The following PCDHA6 variants were observed in gnomAD, a reference collection of about 807,000 sequenced individuals.
PCDHA6 encodes the protein protocadherin alpha-6.
In PCDHA6, 55 loss-of-function variants were observed where a neutral mutation model predicts 60.3. The ratio of observed to expected loss-of-function variants is 0.91; its 90% CI spans 0.73 to 1.14. The LOEUF is 1.14. Among genes scored for constraint, PCDHA6 ranks in the 50% most tolerant of loss-of-function variants. The pLI is 0.00. For synonymous variants in PCDHA6, 652 were observed against 557.9 expected (o/e 1.17, Z -2.38); for missense variants, 1,327 against 1,256.5 (o/e 1.06, Z -0.85).
rs994045696 is a variant in PCDHA6 at position 140,859,234 on chromosome 5, T to G, written c.2394+28749T>G. 5 of 142,110 alleles carry G rather than the reference T, an allele frequency of 3.5e-5. 2 individuals carry two copies. The highest frequency in any genetic ancestry group is 8.0e-5 in the Non-Finnish European group (5 of 62,814). The allele number at this position is 142,110 out of a possible 1,614,324, so 8.8% of individuals were successfully genotyped here. A position where few individuals can be genotyped will look rare whatever the true frequency, so the allele number is the denominator to read the frequency against. ...CTCTTTCACTTTAAGGAAGGAGTCA[T>G]GCTTATGTTTAATAATGAAGAGAAT... On this transcript the variant is annotated intron_variant, in intron 1 of 3. Transcript: ENST00000529310.
chr5:140,870,085 C>T lies in PCDHA6; in HGVS notation c.2394+39600C>T, dbSNP rs200687541. ...ACAGGCTACAGATAAGGGGACTCCCCCAATGGCAGGTCACTGTACAGTCTG... is the reference window on the plus strand; with the variant it reads ...ACAGGCTACAGATAAGGGGACTCCCTCAATGGCAGGTCACTGTACAGTCTG... On this transcript the variant is annotated intron_variant, in intron 1 of 3. Coordinates refer to ENST00000529310, the MANE Select transcript of PCDHA6 (RefSeq NM_018909.4). 1.7e-4 allele frequency: 271 copies of T among 1,613,744 alleles called. No homozygotes were observed. The highest frequency in any genetic ancestry group is 1.8e-4 in the Non-Finnish European group (215 of 1,179,872).
At chr5:140,862,584 G>A (rs2047434517) in intron 1 of PCDHA6, 1 of 495,742 alleles carries the variant, frequency 2.0e-6, no homozygotes, top group South Asian at 1.6e-5. Context: ...CGTTCCAGCA[G>A]CCCGAGTACA....
intron 1 of PCDHA6, among the ~76,000 whole-genome samples, chr5:140,977,960 A>G (rs760810328): frequency 9.2e-5 from 14 of 152,142 alleles, no homozygotes; most frequent in Non-Finnish European, 1.3e-4. Flanking sequence ...GGCCACCTCA[A>G]TCTCCGCCCA....
At position 140,913,388 on chromosome 5, in the gene PCDHA6, G is replaced by A. The variant is rs180918053; in HGVS notation, c.2395-65561G>A. On this transcript the variant is annotated intron_variant, in intron 1 of 3. Coordinates refer to ENST00000529310, the MANE Select transcript of PCDHA6 (RefSeq NM_018909.4). ...TATTGGCATATAGTGGCTCATCATAGCCACTAATGATCCTTTGAATTCCTG... is the reference window on the plus strand; with the variant it reads ...TATTGGCATATAGTGGCTCATCATAACCACTAATGATCCTTTGAATTCCTG... Among the ~76,000 whole-genome samples, 155 of 152,188 alleles carry A rather than the reference G, an allele frequency of 1.0e-3. 2 individuals are homozygous for A. The highest frequency in any genetic ancestry group is 3.7e-3 in the African/African-American group (152 of 41,534).
chr5:140,872,471 T>TA (rs1468696649), intron 1 of PCDHA6, among the ~76,000 whole-genome samples: 3 of 152,026 alleles, frequency 2.0e-5, no homozygotes, highest in Non-Finnish European at 4.4e-5. Context: ...TATAAAAAAT[T>TA]AAAAAATTAG....
chr5:140,858,726 C>A (rs115774489), intron 1 of PCDHA6: 4 of 481,590 alleles, frequency 8.3e-6, no homozygotes, highest in African/African-American at 8.1e-5. Context: ...GCAGTTCTGA[C>A]GATTTACTTT....
chr5:140,923,508 G>C (rs570497442), intron 1 of PCDHA6, among the ~76,000 whole-genome samples: 1 of 152,222 alleles, frequency 6.6e-6, no homozygotes, highest in Non-Finnish European at 1.5e-5. Flanking sequence ...CAGCCTGGAT[G>C]ATGAAGTGAG....
intron 1 of PCDHA6, among the ~76,000 whole-genome samples, chr5:140,919,300 C>A (rs547709389): frequency 6.6e-6 from 1 of 152,248 alleles, no homozygotes; most frequent in African/African-American, 2.4e-5. Flanking sequence ...GCTGTTTGTA[C>A]AATATATGTT....
At chr5:140,877,116 C>T in intron 1 of PCDHA6, 4 of 1,613,672 alleles carry the variant, frequency 2.5e-6, no homozygotes, top group Non-Finnish European at 2.5e-6. Context: ...TGGGCAGCAA[C>T]GTGACGCTGC....
intron 1 of PCDHA6, among the ~76,000 whole-genome samples, chr5:140,899,477 A>G (rs1309385245): frequency 3.3e-5 from 5 of 152,210 alleles, no homozygotes; most frequent in Non-Finnish European, 5.9e-5. Context: ...GGTTCTGTTT[A>G]TATGCTGGAT....
chr5:140,952,582 G>A (rs552541968), intron 1 of PCDHA6, among the ~76,000 whole-genome samples: 4 of 152,220 alleles, frequency 2.6e-5, no homozygotes, highest in East Asian at 3.9e-4. Context: ...AATCATTCAA[G>A]TAGTCTCTAG....
At chr5:140,985,557 G>A (rs1190905215) in intron 3 of PCDHA6, among the ~76,000 whole-genome samples, 1 of 152,118 alleles carries the variant, frequency 6.6e-6, no homozygotes, top group East Asian at 1.9e-4. Context: ...GCTTCCAAAA[G>A]GCTTCTTTCT....
chr5:141,006,618 A>G (rs74748321), intron 3 of PCDHA6, among the ~76,000 whole-genome samples: 53 of 152,290 alleles, frequency 3.5e-4, no homozygotes, highest in African/African-American at 1.3e-3. Flanking sequence ...GAATAAGGAG[A>G]CTATTGCTGC....
chr5:140,851,678 C>T, intron 1 of PCDHA6: 1 of 917,638 alleles, frequency 1.1e-6, no homozygotes, highest in Non-Finnish European at 1.3e-6. Context: ...GAAATTTTCT[C>T]CATTCAGTGA....
Position 140,924,253 on chromosome 5 carries a change from A to T in PCDHA6, c.2395-54696A>T, listed in dbSNP as rs550218351. ...ATGGGCTGTTTTGCATCCTGGTGAGATCTAATGAGGTCTGTACTTGTGACT... is the reference window on the plus strand; with the variant it reads ...ATGGGCTGTTTTGCATCCTGGTGAGTTCTAATGAGGTCTGTACTTGTGACT... On this transcript the variant is annotated intron_variant, in intron 1 of 3. Coordinates refer to ENST00000529310, the MANE Select transcript of PCDHA6 (RefSeq NM_018909.4). Among the ~76,000 whole-genome samples, 68 of 152,330 alleles carry T rather than the reference A, an allele frequency of 4.5e-4. No homozygotes were observed. In the South Asian group the frequency reaches 0.013, roughly 29 times the overall value.
chr5:140,970,651 T>C (rs1191146950), intron 1 of PCDHA6, among the ~76,000 whole-genome samples: 4 of 152,226 alleles, frequency 2.6e-5, no homozygotes, highest in Non-Finnish European at 5.9e-5. Flanking sequence ...TAGTGATGAA[T>C]TGTTATCTTT....
intron 1 of PCDHA6, chr5:140,834,538 T>C: frequency 1.9e-6 from 3 of 1,614,074 alleles, no homozygotes; most frequent in Non-Finnish European, 2.5e-6. Flanking sequence ...GCGCAGGACC[T>C]GGGGCTGGAG....
intron 1 of PCDHA6, among the ~76,000 whole-genome samples, chr5:140,838,420 G>A (rs1431483628): frequency 6.6e-6 from 1 of 151,224 alleles, no homozygotes; most frequent in Non-Finnish European, 1.5e-5. Flanking sequence ...CACCGCATCC[G>A]GCCTAAATTA....
At chr5:140,886,107 G>T (rs1340579685) in intron 1 of PCDHA6, among the ~76,000 whole-genome samples, 2 of 152,142 alleles carry the variant, frequency 1.3e-5, no homozygotes, top group Non-Finnish European at 2.9e-5. Flanking sequence ...ATACAGTAAA[G>T]AAGTAACATA....
Sources: allele counts gnomAD v4.1 joint callset (sites outside exome capture counted in the v4.1 genomes callset), GRCh38; gene constraint gnomAD v4.1.1; transcripts MANE v1.5; gene names NCBI Gene and HGNC (gene_info 2026-07-23, HGNC 2026-07-21).